Variants in AOX1 observed in about 807,000 individuals in gnomAD.
The protein encoded by AOX1 is aldehyde oxidase 1.
In AOX1, 153 loss-of-function variants were observed where a neutral mutation model predicts 169.5. The observed-to-expected ratio is 0.90, with a 90% CI of 0.79 to 1.03. The LOEUF (loss-of-function observed/expected upper bound fraction) is 1.03. Among genes scored for constraint, AOX1 ranks in the 50% least tolerant of loss-of-function variants. The probability of loss-of-function intolerance (pLI) is 0.00; values close to 1 mark genes in which losing one functional copy is unlikely to be tolerated. For synonymous variants in AOX1, 562 were observed against 581.9 expected (o/e 0.97, Z 0.49); for missense variants, 1,656 against 1,663.9 (o/e 1.00, Z 0.08).
At chr2:200,661,661 GAGA>G (rs1288823536) in intron 30 of AOX1, 30 bp downstream of exon 30, 4 of 1,547,344 alleles carry the variant, frequency 2.6e-6, no homozygotes, top group Non-Finnish European at 3.6e-6. Context: ...ACATGCTATG[GAGA>G]AGAACAGTGG....
At chr2:200,599,052 T>C (rs750036701) in intron 4 of AOX1, among the ~76,000 whole-genome samples, 4 of 152,170 alleles carry the variant, frequency 2.6e-5, no homozygotes, top group Non-Finnish European at 5.9e-5. Flanking sequence ...CTCCCATTGT[T>C]ACAATGTTGC....
intron 25 of AOX1, among the ~76,000 whole-genome samples, chr2:200,649,704 C>T (rs2035540627): frequency 6.6e-6 from 1 of 152,288 alleles, no homozygotes; most frequent in East Asian, 1.9e-4. Context: ...GGCTCCTCCT[C>T]CCAGATCCTG....
At chr2:200,672,974 G>A (rs1191905397), downstream of AOX1, among the ~76,000 whole-genome samples, 1 of 152,204 alleles carries the variant, frequency 6.6e-6, no homozygotes, top group Non-Finnish European at 1.5e-5. Flanking sequence ...TGTAGAACCT[G>A]GAGGCCGCTA....
intron 16 of AOX1, among the ~76,000 whole-genome samples, chr2:200,620,409 A>G (rs1026059163): frequency 3.3e-5 from 5 of 151,702 alleles, no homozygotes; most frequent in Non-Finnish European, 7.4e-5. Flanking sequence ...GGGTTTTACT[A>G]TGTTGGCCAG....
At chr2:200,681,738 A>G (rs1051082023), downstream of AOX1, among the ~76,000 whole-genome samples, 1 of 152,238 alleles carries the variant, frequency 6.6e-6, no homozygotes. Context: ...TCTTGGCACC[A>G]TATCAGTTGT....
chr2:200,666,119 G>A (rs2035920407), intron 31 of AOX1, among the ~76,000 whole-genome samples: 2 of 152,234 alleles, frequency 1.3e-5, no homozygotes, highest in Non-Finnish European at 2.9e-5. Context: ...TGGGCCTGCT[G>A]TACTTCTCCT....
intron 18 of AOX1, among the ~76,000 whole-genome samples, chr2:200,622,532 A>G (rs190648392): frequency 2.0e-5 from 3 of 152,334 alleles, no homozygotes; most frequent in Admixed American, 1.3e-4. Context: ...AAGCTTGATG[A>G]CTGAGAGTTT....
downstream of AOX1, among the ~76,000 whole-genome samples, chr2:200,678,033 A>C (rs2036122361): frequency 6.6e-6 from 1 of 152,162 alleles, no homozygotes; most frequent in Non-Finnish European, 1.5e-5. Context: ...CAAGCACTAG[A>C]GGGACCCTGG....
intron 25 of AOX1, 120 bp downstream of exon 25, chr2:200,642,921 C>A: frequency 1.0e-6 from 1 of 953,658 alleles, no homozygotes; most frequent in Non-Finnish European, 1.5e-6. Flanking sequence ...GTGCCAAGTC[C>A]CCCAGCTAAC....
chr2:200,602,648 C>G (rs1468168300), intron 6 of AOX1, among the ~76,000 whole-genome samples: 6 of 152,104 alleles, frequency 3.9e-5, no homozygotes, highest in Admixed American at 3.9e-4. Flanking sequence ...TTCCTATAGC[C>G]CTCTGCGAAC....
At chr2:200,592,440 G>A (rs2034192590) in intron 1 of AOX1, among the ~76,000 whole-genome samples, 1 of 152,166 alleles carries the variant, frequency 6.6e-6, no homozygotes, top group South Asian at 2.1e-4. Context: ...CAAAAGAAAT[G>A]TCAAATTTTT....
chr2:200,640,200 A>T (rs1387295875), intron 23 of AOX1, among the ~76,000 whole-genome samples: 1 of 152,118 alleles, frequency 6.6e-6, no homozygotes, highest in South Asian at 2.1e-4. Flanking sequence ...GGAAGGTAGT[A>T]AAAAATAGGA....
At chr2:200,641,934 G>A (rs1031142479) in intron 24 of AOX1, among the ~76,000 whole-genome samples, 2 of 152,082 alleles carry the variant, frequency 1.3e-5, no homozygotes, top group Non-Finnish European at 2.9e-5. Context: ...CTTGAGGCCA[G>A]GAGTTCAAGA....
At chr2:200,675,265 A>G (rs1288347714), downstream of AOX1, among the ~76,000 whole-genome samples, 1 of 152,200 alleles carries the variant, frequency 6.6e-6, no homozygotes, top group Non-Finnish European at 1.5e-5. Flanking sequence ...AATGGTTGGT[A>G]CCTATTGTAT....
At position 200,604,627 on chromosome 2, in the gene AOX1, A is replaced by G. The variant is rs529359019; in HGVS notation, c.670-69A>G. The G allele has an allele frequency of 6.0e-6, 9 of 1,510,592 alleles. No homozygotes were observed. The East Asian group carries it at 1.4e-4, about 23-fold the overall frequency. 93.6% of individuals were successfully genotyped at this position (1,510,592 alleles called of 1,614,324 possible). ...TTTCTCATTCTGTATCTACAGTGCT[A>G]ATGATTGAGTGGAAACAGGTGGAGA... On this transcript the variant is annotated intron_variant, in intron 8 of 34. Transcript: ENST00000374700.
chr2:200,598,296 T>C (rs1344566038), intron 4 of AOX1, among the ~76,000 whole-genome samples: 1 of 152,044 alleles, frequency 6.6e-6, no homozygotes, highest in Non-Finnish European at 1.5e-5. Flanking sequence ...CCAAAAAGCT[T>C]TGTTATATTT....
chr2:200,603,150 T>C, intron 6 of AOX1, 117 bp from the exon 7 acceptor site: 2 of 800,404 alleles, frequency 2.5e-6, no homozygotes. Flanking sequence ...ATGGCTCTCT[T>C]TCATGGCATC....
chr2:200,586,990 TGA>T (rs1404549073), intron 1 of AOX1, among the ~76,000 whole-genome samples: 1 of 152,102 alleles, frequency 6.6e-6, no homozygotes, highest in Non-Finnish European at 1.5e-5. Flanking sequence ...GGAGCTCCCT[TGA>T]GAGCTGTGGC....
downstream of AOX1, among the ~76,000 whole-genome samples, chr2:200,672,308 A>G (rs1426818815): frequency 6.6e-6 from 1 of 152,278 alleles, no homozygotes; most frequent in Non-Finnish European, 1.5e-5. Context: ...TTTTTAAAAA[A>G]GTATCTGTGG....
Sources: allele counts gnomAD v4.1 joint callset (sites outside exome capture counted in the v4.1 genomes callset), GRCh38; gene constraint gnomAD v4.1.1; transcripts MANE v1.5; gene names NCBI Gene and HGNC (gene_info 2026-07-23, HGNC 2026-07-21).